Variants in SYN3 observed in about 807,000 individuals in gnomAD.
The protein encoded by SYN3 is synapsin III, also known as synapsin-3.
SYN3 carries 35 observed loss-of-function variants against 65.8 expected under a neutral mutation model. The ratio of observed to expected loss-of-function variants is 0.53; its 90% CI spans 0.41 to 0.70. SYN3 has a LOEUF of 0.70. Ranked by LOEUF, SYN3 falls within the 30% of genes least tolerant of loss-of-function variation. The probability of loss-of-function intolerance (pLI) is 0.00; values close to 1 mark genes in which losing one functional copy is unlikely to be tolerated. For missense variants in SYN3, 680 were observed against 749.0 expected, an observed-to-expected ratio of 0.91 and a Z score of 1.08; for synonymous variants, 270 against 292.9, an observed-to-expected ratio of 0.92 and a Z score of 0.80.
At chr22:32,945,007 G>A (rs573615628) in intron 3 of SYN3, among the ~76,000 whole-genome samples, 18 of 152,246 alleles carry the variant, frequency 1.2e-4, no homozygotes, top group African/African-American at 4.1e-4. Context: ...TCTCTTCAAG[G>A]AGAACTACAA....
intron 6 of SYN3, among the ~76,000 whole-genome samples, chr22:32,747,658 C>T (rs2044979131): frequency 6.6e-6 from 1 of 152,224 alleles, no homozygotes. Context: ...AGATGTGAGA[C>T]TCCAGAGTCT....
Position 33,045,561 on chromosome 22 carries a change from G to A in SYN3, c.-163+12731C>T, listed in dbSNP as rs865883255. On this transcript the variant is annotated intron_variant, in intron 1 of 13. Coordinates refer to ENST00000358763, the MANE Select transcript of SYN3 (RefSeq NM_003490.4). ...CAGCTCACTGCAAGCTCTGCCTCCCGGGTTCATGCCGTTCTCCTGCCTCAG... is the reference window on the plus strand; with the variant it reads ...CAGCTCACTGCAAGCTCTGCCTCCCAGGTTCATGCCGTTCTCCTGCCTCAG... Among the ~76,000 whole-genome samples, 8 of 136,580 alleles carry A rather than the reference G, an allele frequency of 5.9e-5. No individual in the cohort carries two copies. The South Asian group carries it at 7.4e-4, about 13-fold the overall frequency. The allele number at this position is 136,580 out of a possible 152,430, so 89.6% of individuals were successfully genotyped here. A position where few individuals can be genotyped will look rare whatever the true frequency, so the allele number is the denominator to read the frequency against.
At chr22:32,652,526 G>A (rs930359673) in intron 6 of SYN3, among the ~76,000 whole-genome samples, 6 of 151,224 alleles carry the variant, frequency 4.0e-5, no homozygotes, top group Admixed American at 2.7e-4. Context: ...GAATGCAAAT[G>A]GTTATATGCA....
chr22:32,592,988 A>C (rs2059148893), intron 7 of SYN3, among the ~76,000 whole-genome samples: 1 of 152,186 alleles, frequency 6.6e-6, no homozygotes, highest in African/African-American at 2.4e-5. Flanking sequence ...GAGCTCATTG[A>C]CAGCCTCCTT....
chr22:32,920,404 T>C (rs984138894), intron 4 of SYN3, among the ~76,000 whole-genome samples: 2 of 152,196 alleles, frequency 1.3e-5, no homozygotes, highest in Admixed American at 6.5e-5. Context: ...GCATGAATTT[T>C]AACATGCCCC....
chr22:32,679,852 T>TTTTTTTTTTTTTTTTTTTTTG, intron 6 of SYN3, among the ~76,000 whole-genome samples: 1 of 141,566 alleles, frequency 7.1e-6, no homozygotes, highest in Admixed American at 7.1e-5. Flanking sequence ...TTTTTTTTTT[T>TTTTTTTTTTTTTTTTTTTTTG]TTTTTTGCTA....
At chr22:32,846,777 A>G (rs1368227737) in intron 6 of SYN3, among the ~76,000 whole-genome samples, 2 of 152,236 alleles carry the variant, frequency 1.3e-5, no homozygotes, top group Non-Finnish European at 2.9e-5. Flanking sequence ...TAAGAAAGCC[A>G]GAGAGATTCA....
intron 6 of SYN3, chr22:32,802,145 C>A: frequency 6.4e-7 from 1 of 1,571,808 alleles, no homozygotes; most frequent in East Asian, 2.3e-5. Context: ...GGTGCCCCGC[C>A]CGAGCCCCAC....
chr22:32,876,651 G>T (rs1199099940), intron 4 of SYN3, among the ~76,000 whole-genome samples: 4 of 150,892 alleles, frequency 2.7e-5, no homozygotes, highest in Non-Finnish European at 4.4e-5. Flanking sequence ...AAACAATGAG[G>T]TTATCTTCAT....
In SYN3 at chr22:32,782,897, AAGCAATTCTCTATTGAGAAGG is replaced by A. The variant is rs543350245; in HGVS notation, c.711+81997_711+82017del. On this transcript the variant is annotated intron_variant, in intron 6 of 13. Coordinates refer to ENST00000358763, the MANE Select transcript of SYN3 (RefSeq NM_003490.4). The stretch of plus-strand genomic sequence containing the variant: ...CCTGAAGGATGAACAGGAATTAGTG[AAGCAATTCTCTATTGAGAAGG>A]AGCAATTCTCTATTGAGAAGCAACT... Among the ~76,000 whole-genome samples, 520 of 152,338 alleles carry A rather than the reference AAGCAATTCTCTATTGAGAAGG, an allele frequency of 3.4e-3. 4 individuals are homozygous for A. The highest frequency in any genetic ancestry group is 5.0e-3 in the South Asian group (24 of 4,828).
At chr22:32,570,329 A>T (rs3788457) in intron 7 of SYN3, among the ~76,000 whole-genome samples, 47,597 of 151,864 alleles carry the variant, frequency 0.31, 7,633 homozygotes, top group East Asian at 0.51. Context: ...AATACTGGGA[A>T]ATTAAAGGCC....
intron 6 of SYN3, among the ~76,000 whole-genome samples, chr22:32,766,821 G>T (rs2045639227): frequency 6.6e-6 from 1 of 152,206 alleles, no homozygotes; most frequent in South Asian, 2.1e-4. Flanking sequence ...CTTTGGTTGA[G>T]TGGGAATGGG....
At chr22:32,612,685 A>G (rs1362375724) in intron 6 of SYN3, among the ~76,000 whole-genome samples, 2 of 151,844 alleles carry the variant, frequency 1.3e-5, no homozygotes, top group Admixed American at 1.3e-4. Context: ...CTATAAAAGA[A>G]AAAAAAATTA....
chr22:32,931,211 A>T, intron 4 of SYN3, 179 bp downstream of exon 4: 1 of 556,736 alleles, frequency 1.8e-6, no homozygotes, highest in Non-Finnish European at 3.3e-6. Context: ...CAGGTGCTGC[A>T]CGTATGATAT....
At chr22:32,676,730 A>G (rs1176454486) in intron 6 of SYN3, among the ~76,000 whole-genome samples, 9 of 147,112 alleles carry the variant, frequency 6.1e-5, no homozygotes, top group Admixed American at 6.1e-4. Context: ...TTTTTAGTAG[A>G]GACGGGGTTT....
rs916618144 is a variant in SYN3 at position 32,508,355 on chromosome 22, C to G, written c.*5337G>C. Among the ~76,000 whole-genome samples, 2 of 152,158 alleles carry G rather than the reference C, an allele frequency of 1.3e-5. No individual in the cohort carries two copies. The highest frequency in any genetic ancestry group is 1.3e-4 in the Admixed American group (2 of 15,276). On this transcript the variant is annotated 3_prime_UTR_variant, in exon 14 of 14. Transcript: ENST00000358763. ...CCCCTTTGCATGTAATTTTCCATTA[C>G]CTTCCCAAATCCTATAAAACGGCCC...
intron 1 of SYN3, among the ~76,000 whole-genome samples, chr22:33,015,850 T>C (rs1016037132): frequency 8.6e-5 from 13 of 150,572 alleles, no homozygotes; most frequent in Admixed American, 4.0e-4. Flanking sequence ...CTTTTCTTTT[T>C]TTTTTTTTTT....
intron 6 of SYN3, among the ~76,000 whole-genome samples, chr22:32,614,518 G>A (rs190688424): frequency 5.3e-5 from 8 of 152,300 alleles, no homozygotes; most frequent in African/African-American, 9.6e-5. Context: ...CTCCCCTTGA[G>A]TGGACAGGGG....
intron 6 of SYN3, among the ~76,000 whole-genome samples, chr22:32,622,111 A>G (rs2059603903): frequency 6.6e-6 from 1 of 152,054 alleles, no homozygotes; most frequent in Non-Finnish European, 1.5e-5. Context: ...CAGTCCGCAC[A>G]GCTGGGCTGG....
Sources: allele counts gnomAD v4.1 joint callset (sites outside exome capture counted in the v4.1 genomes callset), GRCh38; gene constraint gnomAD v4.1.1; transcripts MANE v1.5; gene names NCBI Gene and HGNC (gene_info 2026-07-23, HGNC 2026-07-21).